CSMD1: variants seen among roughly 807,000 people sequenced by gnomAD.
CSMD1 encodes CUB and sushi domain-containing protein 1.
In CSMD1, 213 loss-of-function variants were observed where a neutral mutation model predicts 417.5. That is an observed-to-expected ratio of 0.51 (90% confidence interval 0.46 to 0.57). The LOEUF is 0.57. Among genes scored for constraint, CSMD1 ranks in the 20% least tolerant of loss-of-function variants. The pLI is 0.00. For synonymous variants in CSMD1, 2,862 were observed against 1,736.8 expected, an observed-to-expected ratio of 1.65 and a Z score of -16.11; for missense variants, 6,923 against 4,529.7, an observed-to-expected ratio of 1.53 and a Z score of -15.17.
At chr8:3,271,401 G>C (rs1251347576) in intron 26 of CSMD1, among the ~76,000 whole-genome samples, 1 of 151,874 alleles carries the variant, frequency 6.6e-6, no homozygotes, top group East Asian at 1.9e-4. Flanking sequence ...GTGTACATGT[G>C]TCTTTATAGC....
intron 2 of CSMD1, among the ~76,000 whole-genome samples, chr8:4,554,510 T>C (rs972629867): frequency 1.3e-5 from 2 of 152,140 alleles, no homozygotes; most frequent in African/African-American, 2.4e-5. Context: ...CCTGTTTAAT[T>C]TGTGGCTTTA....
intron 3 of CSMD1, among the ~76,000 whole-genome samples, chr8:4,197,124 G>C (rs940798213): frequency 6.6e-6 from 1 of 152,140 alleles, no homozygotes; most frequent in Non-Finnish European, 1.5e-5. Context: ...TCCTCAAGCA[G>C]TTCCCAGACA....
rs183499997 is a variant in CSMD1 at position 4,544,156 on chromosome 8, A to G, written c.302+93186T>C. On this transcript the variant is annotated intron_variant, in intron 2 of 69. Coordinates refer to ENST00000635120, the MANE Select transcript of CSMD1 (RefSeq NM_033225.6). ...AACTTAAATGATTTTTTCATGGATC[A>G]CACCTTTGATGTTGTATGTAAAAAC... Among the ~76,000 whole-genome samples, 171 of 152,228 alleles carry G rather than the reference A, an allele frequency of 1.1e-3. 1 individual carries two copies. Among genetic ancestry groups the G allele is most frequent in the African/African-American group, 3.9e-3 (164 of 41,550 alleles).
chr8:4,898,659 C>G (rs1224672022), intron 1 of CSMD1, among the ~76,000 whole-genome samples: 1 of 151,894 alleles, frequency 6.6e-6, no homozygotes, highest in Non-Finnish European at 1.5e-5. Flanking sequence ...TGAAAATTGT[C>G]AAATTATACA....
chr8:3,485,923 C>T (rs1050911286), intron 11 of CSMD1, among the ~76,000 whole-genome samples: 4 of 152,114 alleles, frequency 2.6e-5, no homozygotes, highest in Admixed American at 6.5e-5. Context: ...AACATTTCCA[C>T]TGGAGATCCG....
intron 1 of CSMD1, among the ~76,000 whole-genome samples, chr8:4,948,652 T>C (rs941245416): frequency 2.0e-5 from 3 of 152,090 alleles, no homozygotes; most frequent in Admixed American, 6.6e-5. Flanking sequence ...ATTATAAATA[T>C]GTTGCTAGGT....
At chr8:3,444,742 A>G (rs1360451506) in intron 12 of CSMD1, among the ~76,000 whole-genome samples, 1 of 152,250 alleles carries the variant, frequency 6.6e-6, no homozygotes, top group African/African-American at 2.4e-5. Context: ...TAATGTAATA[A>G]ACTGAAAAGG....
chr8:4,004,123 T>C (rs73182029), intron 4 of CSMD1, among the ~76,000 whole-genome samples: 11,932 of 152,178 alleles, frequency 0.078, 540 homozygotes, highest in Middle Eastern at 0.13. Context: ...TACATATGTA[T>C]ATTTCAAGTT....
At chr8:4,196,988 T>A (rs1408982731) in intron 3 of CSMD1, among the ~76,000 whole-genome samples, 1 of 152,212 alleles carries the variant, frequency 6.6e-6, no homozygotes, top group African/African-American at 2.4e-5. Flanking sequence ...CCTCACAATA[T>A]CTATTCTACG....
intron 3 of CSMD1, among the ~76,000 whole-genome samples, chr8:4,271,386 A>G (rs1253531338): frequency 6.6e-6 from 1 of 152,130 alleles, no homozygotes; most frequent in Admixed American, 6.6e-5. Flanking sequence ...TAAAAGTTTA[A>G]AAAATACGTA....
chr8:3,665,937 G>C (rs1486672045), intron 7 of CSMD1, among the ~76,000 whole-genome samples: 2 of 152,170 alleles, frequency 1.3e-5, no homozygotes, highest in East Asian at 1.9e-4. Flanking sequence ...GAGTGCAGTG[G>C]AGTGGCCTCA....
chr8:3,624,908 T>G (rs971126470), intron 7 of CSMD1, among the ~76,000 whole-genome samples: 10 of 152,222 alleles, frequency 6.6e-5, no homozygotes, highest in African/African-American at 1.7e-4. Flanking sequence ...TCAGCAAGAA[T>G]GAAACTTTGT....
rs138967438 is a variant in CSMD1, at chr8:4,517,599, T to C, written c.303-97534A>G. Among the ~76,000 whole-genome samples the C allele has an allele frequency of 7.5e-3, 1,138 of 152,332 alleles. 10 individuals are homozygous for C. Among genetic ancestry groups the C allele is most frequent in the South Asian group, 0.031 (152 of 4,826 alleles). ...CAGAGTTAATACCAAATATGTATAA[T>C]GTATTTAACATGCACGAGCCTTTAA... On this transcript the variant is annotated intron_variant, in intron 2 of 69. Transcript: ENST00000635120.
chr8:4,176,210 G>C (rs1174212166), intron 3 of CSMD1, among the ~76,000 whole-genome samples: 2 of 151,928 alleles, frequency 1.3e-5, no homozygotes, highest in Non-Finnish European at 2.9e-5. Flanking sequence ...GTTGGATGTG[G>C]CTCTGTAGGC....
chr8:4,060,400 C>G (rs1219376920), intron 3 of CSMD1, among the ~76,000 whole-genome samples: 1 of 152,166 alleles, frequency 6.6e-6, no homozygotes, highest in Non-Finnish European at 1.5e-5. Context: ...GGGATGCCCT[C>G]TCTCACCACT....
At chr8:3,381,032 A>G (rs545551333) in intron 18 of CSMD1, among the ~76,000 whole-genome samples, 1 of 152,304 alleles carries the variant, frequency 6.6e-6, no homozygotes, top group South Asian at 2.1e-4. Context: ...TACAATCAAA[A>G]TTATGTATCT....
chr8:4,627,064 C>T (rs1212459560), intron 2 of CSMD1, among the ~76,000 whole-genome samples: 6 of 152,206 alleles, frequency 3.9e-5, no homozygotes, highest in Admixed American at 2.6e-4. Context: ...AAGTGAATAA[C>T]TCACATATTT....
chr8:3,681,111 C>A (rs1301223171), intron 7 of CSMD1, among the ~76,000 whole-genome samples: 1 of 152,142 alleles, frequency 6.6e-6, no homozygotes, highest in Non-Finnish European at 1.5e-5. Context: ...TGGAAGCATT[C>A]CCTTTGAAAA....
At chr8:3,421,582 T>C (rs1019272215) in intron 12 of CSMD1, among the ~76,000 whole-genome samples, 8 of 152,216 alleles carry the variant, frequency 5.3e-5, no homozygotes, top group Non-Finnish European at 1.0e-4. Context: ...TTTGATTATG[T>C]GTTAAACCCC....
Sources: gnomAD v4.1 joint callset for allele counts (sites outside exome capture counted in the v4.1 genomes callset) on GRCh38, gnomAD v4.1.1 for gene constraint, MANE v1.5 for transcripts, NCBI Gene and HGNC (gene_info 2026-07-23, HGNC 2026-07-21) for gene names.